ITPRID1: variants seen among roughly 807,000 people sequenced by gnomAD.
The protein encoded by ITPRID1 is protein ITPRID1.
In ITPRID1, 96 loss-of-function variants were observed where a neutral mutation model predicts 95.4. The ratio of observed to expected loss-of-function variants is 1.01; its 90% CI spans 0.85 to 1.19. The LOEUF is 1.19. Ranked by LOEUF, ITPRID1 falls within the 50% of genes most tolerant of loss-of-function variation. ITPRID1 has a pLI of 0.00. For synonymous variants in ITPRID1, 510 were observed against 453.6 expected (o/e 1.12, Z -1.58); for missense variants, 1,339 against 1,252.9 (o/e 1.07, Z -1.04).
chr7:31,642,601 G>A, intron 11 of ITPRID1, 81 bp from the exon 12 acceptor site: 1 of 1,289,798 alleles, frequency 7.8e-7, no homozygotes, highest in Non-Finnish European at 1.1e-6. Flanking sequence ...CTAAGGCAAT[G>A]ACAAGAAGAA....
At chr7:31,550,854 A>T (rs1490342389) in intron 2 of ITPRID1, among the ~76,000 whole-genome samples, 1 of 143,158 alleles carries the variant, frequency 7.0e-6, no homozygotes, top group East Asian at 2.2e-4. Flanking sequence ...TTGGGGACGT[A>T]CAAATAAAGC....
Position 31,643,845 on chromosome 7 carries a change from A to G in ITPRID1, c.2475A>G (p.Glu825=). 1 of 1,613,878 alleles carries G rather than the reference A, an allele frequency of 6.2e-7. No homozygotes were observed. Among genetic ancestry groups the G allele is most frequent in the African/African-American group, 1.3e-5 (1 of 75,036 alleles). ...GGGAGAGGCAAAGCCCTGGCCCTGA[A>G]CCCTCAGTCTGTAGGCACTGCCTGT... is the stretch of plus-strand genomic sequence containing the variant. The part of the protein sequence containing the change: ...CHGERQSPGP[E]PSVCRHCLCS... Residue 825 remains glutamate, a synonymous_variant, in exon 12 of 15, where the codon GAA becomes GAG. Transcript: ENST00000615280.
At chr7:31,523,649 G>T (rs1323314204) in intron 1 of ITPRID1, among the ~76,000 whole-genome samples, 1 of 152,182 alleles carries the variant, frequency 6.6e-6, no homozygotes, top group Non-Finnish European at 1.5e-5. Context: ...CGATCTGGTT[G>T]TTTAAATGTG....
intron 10 of ITPRID1, among the ~76,000 whole-genome samples, chr7:31,590,462 A>C (rs1785816656): frequency 6.6e-6 from 1 of 152,190 alleles, no homozygotes; most frequent in African/African-American, 2.4e-5. Flanking sequence ...TTAATGTCTT[A>C]AGTTTTGTCT....
chr7:31,526,449 C>T (rs887308848), intron 1 of ITPRID1, among the ~76,000 whole-genome samples: 3 of 152,238 alleles, frequency 2.0e-5, no homozygotes, highest in East Asian at 3.9e-4. Flanking sequence ...TGTGAAGCTC[C>T]GTTTCCTCAT....
At chr7:31,587,593 C>T (rs1181402890) in intron 10 of ITPRID1, among the ~76,000 whole-genome samples, 22 of 149,954 alleles carry the variant, frequency 1.5e-4, no homozygotes, top group South Asian at 4.3e-4. Flanking sequence ...CAATGCCATC[C>T]CCATCAAGCT....
At chr7:31,570,815 G>A (rs957450369) in intron 6 of ITPRID1, among the ~76,000 whole-genome samples, 1 of 152,052 alleles carries the variant, frequency 6.6e-6, no homozygotes, top group African/African-American at 2.4e-5. Context: ...CCAAAATAAG[G>A]TGTGGCCCTC....
intron 13 of ITPRID1, 53 bp from the exon 14 acceptor site, chr7:31,651,886 T>C: frequency 1.5e-6 from 2 of 1,294,490 alleles, no homozygotes; most frequent in Non-Finnish European, 2.2e-6. Flanking sequence ...CAATGGAAGA[T>C]TGCACCTGGG....
intron 10 of ITPRID1, among the ~76,000 whole-genome samples, chr7:31,629,408 C>G (rs1788792810): frequency 6.6e-6 from 1 of 152,162 alleles, no homozygotes; most frequent in Admixed American, 6.5e-5. Context: ...CACGAAGCTC[C>G]AGGCACAATG....
At chr7:31,585,863 A>C (rs1377019852) in intron 10 of ITPRID1, among the ~76,000 whole-genome samples, 1 of 151,974 alleles carries the variant, frequency 6.6e-6, no homozygotes, top group East Asian at 1.9e-4. Context: ...TATACTTTTA[A>C]GTTTTAGGGT....
At chr7:31,560,295 G>A (rs1021748946) in intron 5 of ITPRID1, among the ~76,000 whole-genome samples, 1 of 152,190 alleles carries the variant, frequency 6.6e-6, no homozygotes, top group African/African-American at 2.4e-5. Flanking sequence ...TTATCCAGAA[G>A]CCAAATCATT....
intron 10 of ITPRID1, among the ~76,000 whole-genome samples, chr7:31,601,132 A>G (rs1258439725): frequency 6.6e-6 from 1 of 152,210 alleles, no homozygotes; most frequent in Admixed American, 6.5e-5. Context: ...GAAGAAATCA[A>G]TTACTTATTG....
At chr7:31,530,381 G>A (rs1362830511) in intron 1 of ITPRID1, among the ~76,000 whole-genome samples, 1 of 152,176 alleles carries the variant, frequency 6.6e-6, no homozygotes, top group African/African-American at 2.4e-5. Context: ...CTGGAGCCAT[G>A]TAGGAATGGA....
intron 10 of ITPRID1, among the ~76,000 whole-genome samples, chr7:31,592,080 T>C (rs1394477560): frequency 6.6e-6 from 1 of 152,112 alleles, no homozygotes; most frequent in African/African-American, 2.4e-5. Context: ...GGTAAGAAAA[T>C]GTGAACCAAC....
chr7:31,618,130 T>C (rs1238242289), intron 10 of ITPRID1, among the ~76,000 whole-genome samples: 1 of 152,176 alleles, frequency 6.6e-6, no homozygotes, highest in Non-Finnish European at 1.5e-5. Context: ...ATCATTGTGA[T>C]AGGAGCAAGG....
At chr7:31,546,937 A>G (rs1246159675) in intron 1 of ITPRID1, among the ~76,000 whole-genome samples, 1 of 152,150 alleles carries the variant, frequency 6.6e-6, no homozygotes, top group African/African-American at 2.4e-5. Context: ...AGAGATTGGA[A>G]AGAAGAAAAT....
Position 31,643,772 on chromosome 7 carries a change from T to C in ITPRID1, c.2402T>C (p.Ile801Thr). The C allele has an allele frequency of 2.5e-6, 4 of 1,613,994 alleles. No homozygotes were observed. The highest frequency in any genetic ancestry group is 3.4e-6 in the Non-Finnish European group (4 of 1,179,882). ...TGCCCAATGGGCACCTGCCATGCTA[T>C]ACCTGCCCACTGCTGCATCTGCTGT... ...SICPMGTCHA[I>T]PAHCCICCHH... Residue 801 changes from isoleucine (I) to threonine (T), a missense_variant, in exon 12 of 15, where the codon ATA (isoleucine) becomes ACA (threonine). Coordinates refer to ENST00000615280, the MANE Select transcript of ITPRID1 (RefSeq NM_001257967.3).
intron 10 of ITPRID1, among the ~76,000 whole-genome samples, chr7:31,640,208 T>C (rs1789893905): frequency 6.6e-6 from 1 of 152,228 alleles, no homozygotes; most frequent in African/African-American, 2.4e-5. Context: ...CTCAATGTCC[T>C]GTGAAATAGG....
chr7:31,648,815 A>G (rs535480724), intron 12 of ITPRID1, among the ~76,000 whole-genome samples: 148 of 152,356 alleles, frequency 9.7e-4, no homozygotes, highest in African/African-American at 3.3e-3. Context: ...GTGTTCAGCT[A>G]TACTGTGGTC....
Sources: gnomAD v4.1 joint callset for allele counts (sites outside exome capture counted in the v4.1 genomes callset) on GRCh38, gnomAD v4.1.1 for gene constraint, MANE v1.5 for transcripts, NCBI Gene and HGNC (gene_info 2026-07-23, HGNC 2026-07-21) for gene names.